The following CMPK2 variants were observed in gnomAD, a reference collection of about 807,000 sequenced individuals.
The protein encoded by CMPK2 is cytidine/uridine monophosphate kinase 2.
In CMPK2, 32 loss-of-function variants were observed where a neutral mutation model predicts 33.4. The ratio of observed to expected loss-of-function variants is 0.96; its 90% CI spans 0.72 to 1.29. The LOEUF (loss-of-function observed/expected upper bound fraction) is 1.29. Among genes scored for constraint, CMPK2 ranks in the 50% most tolerant of loss-of-function variants. The pLI, the probability that CMPK2 is intolerant of heterozygous loss-of-function variation, is 0.00. For missense variants in CMPK2, 672 were observed against 616.0 expected (o/e 1.09, Z -0.96); for synonymous variants, 299 against 275.3 (o/e 1.09, Z -0.85).
rs934656434 is a variant in CMPK2, at chr2:6,849,624, C to A, written c.*226G>T. Reference sequence around the variant, plus strand: ...TTTACTATGCCAGGAAGAAAGCAATCGCTGGCCTCTCACTGGAACATGATG... The same window carrying A: ...TTTACTATGCCAGGAAGAAAGCAATAGCTGGCCTCTCACTGGAACATGATG... On this transcript the variant is annotated 3_prime_UTR_variant, in exon 5 of 5. Coordinates refer to ENST00000256722, the MANE Select transcript of CMPK2 (RefSeq NM_207315.4). 1.5e-6 allele frequency: 2 copies of A among 1,334,022 alleles called. No individual in the cohort carries two copies. Among genetic ancestry groups the A allele is most frequent in the East Asian group, 3.2e-5 (1 of 30,984 alleles). 82.6% of individuals were successfully genotyped at this position (1,334,022 alleles called of 1,614,324 possible).
intron 3 of CMPK2, among the ~76,000 whole-genome samples, chr2:6,853,229 C>T (rs1662578596): frequency 1.3e-5 from 2 of 152,204 alleles, no homozygotes; most frequent in South Asian, 2.1e-4. Flanking sequence ...GAATTACAGG[C>T]GTGAGGTACC....
chr2:6,865,288 G>A lies in CMPK2; in HGVS notation c.409C>T (p.Leu137=), dbSNP rs1328756987. Residue 137 remains leucine, a synonymous_variant, in exon 1 of 5, where the codon CTG becomes TTG. Coordinates refer to ENST00000256722, the MANE Select transcript of CMPK2 (RefSeq NM_207315.4). ...AQQGFLLRDP[L]DDPDTRQALL... ...GCTTGCCGGGTGTCAGGGTCATCCA[G>A]GGGGTCGCGCAGCAGGAAGCCTTGC... is the stretch of plus-strand genomic sequence containing the variant. 8 of 1,530,570 alleles carry A rather than the reference G, an allele frequency of 5.2e-6. No homozygotes were observed. In the South Asian group the frequency reaches 8.3e-5, roughly 16 times the overall value. The allele number at this position is 1,530,570 out of a possible 1,614,324, so 94.8% of individuals were successfully genotyped here. A position where few individuals can be genotyped will look rare whatever the true frequency, so the allele number is the denominator to read the frequency against.
At chr2:6,847,091 T>C (rs1236422947), downstream of CMPK2, among the ~76,000 whole-genome samples, 6 of 152,012 alleles carry the variant, frequency 3.9e-5, no homozygotes, top group African/African-American at 1.5e-4. Context: ...ATGAGGCCAG[T>C]TGTGGGGGTT....
intron 3 of CMPK2, among the ~76,000 whole-genome samples, chr2:6,841,456 T>C (rs1051497328): frequency 1.3e-5 from 2 of 152,192 alleles, no homozygotes; most frequent in African/African-American, 4.8e-5. Context: ...TTGGTAGATA[T>C]TTACCTGAGA....
Position 6,865,618 on chromosome 2 carries a change from T to G in CMPK2, c.79A>C (p.Met27Leu), listed in dbSNP as rs1414101029. The G allele has an allele frequency of 2.2e-6, 3 of 1,393,768 alleles. No homozygotes were observed. Among genetic ancestry groups the G allele is most frequent in the African/African-American group, 1.5e-5 (1 of 66,372 alleles). The allele number at this position is 1,393,768 out of a possible 1,614,324, so 86.3% of individuals were successfully genotyped here. A position where few individuals can be genotyped will look rare whatever the true frequency, so the allele number is the denominator to read the frequency against. ...LGRRGVCAGA[M>L]APPRRFVLEL... is the part of the protein sequence containing the mutation. The stretch of plus-strand genomic sequence containing the variant: ...AGGACGAAGCGGCGCGGCGGAGCCA[T>G]GGCCCCAGCGCAGACCCCGCGCCGC... The change falls in exon 1 of 5, where the codon ATG becomes CTG. Residue 27 changes from methionine (M) to leucine (L), a missense_variant. Transcript: ENST00000256722.
At chr2:6,866,004 C>A, upstream of CMPK2, 1 of 617,002 alleles carries the variant, frequency 1.6e-6, no homozygotes, top group Non-Finnish European at 2.4e-6. Context: ...CGCCGGCTCC[C>A]GGGGCTGACA....
chr2:6,866,019 A>C, upstream of CMPK2: 49 of 461,972 alleles, frequency 1.1e-4, no homozygotes, highest in East Asian at 3.3e-4. Context: ...CTGACACCGA[A>C]TGAGGCCCCG....
intron 3 of CMPK2, among the ~76,000 whole-genome samples, chr2:6,852,086 G>A (rs1270570667): frequency 6.6e-6 from 1 of 152,170 alleles, no homozygotes; most frequent in Admixed American, 6.5e-5. Flanking sequence ...TCCTGGAAAG[G>A]CCATGTCAGT....
intron 3 of CMPK2, among the ~76,000 whole-genome samples, chr2:6,852,883 A>T (rs1662565181): frequency 6.6e-6 from 1 of 152,232 alleles, no homozygotes; most frequent in African/African-American, 2.4e-5. Context: ...TATTTATGAT[A>T]TAAACATTCC....
At chr2:6,844,307 T>C (rs1228265947), downstream of CMPK2, among the ~76,000 whole-genome samples, 3 of 152,212 alleles carry the variant, frequency 2.0e-5, no homozygotes, top group African/African-American at 7.2e-5. Flanking sequence ...TAGAGTACTA[T>C]CTGGACCTAT....
rs746817328 is a variant in CMPK2 at position 6,865,050 on chromosome 2, C to T, written c.647G>A (p.Arg216Gln). 4 of 1,433,978 alleles carry T rather than the reference C, an allele frequency of 2.8e-6. No individual in the cohort carries two copies. The African/African-American group carries it at 6.0e-5, about 22-fold the overall frequency. The allele number at this position is 1,433,978 out of a possible 1,614,324, so 88.8% of individuals were successfully genotyped here. A position where few individuals can be genotyped will look rare whatever the true frequency, so the allele number is the denominator to read the frequency against. Residue 216 changes from arginine to glutamine, a missense_variant, in exon 1 of 5, where the codon CGG becomes CAG. Physicochemically the swap from Arg to Gln is conservative, Grantham distance 43. Coordinates refer to ENST00000256722, the MANE Select transcript of CMPK2 (RefSeq NM_207315.4). Reference sequence around the variant, plus strand: ...CTCCAAAACGGCCCGGGCGGCTTCCCGGTCCGGGAAGACCACGGAACTGGG... The same window carrying T: ...CTCCAAAACGGCCCGGGCGGCTTCCTGGTCCGGGAAGACCACGGAACTGGG... ...DLPSSVVFPD[R>Q]EAARAVLEEC...
At position 6,865,392 on chromosome 2, in the gene CMPK2, A is replaced by AGCTGGTGCAGCAGGC. The variant is rs1291932368; in HGVS notation, c.290_304dup (p.Arg97_Gln101dup). The AGCTGGTGCAGCAGGC allele has an allele frequency of 2.3e-5, 32 of 1,366,514 alleles. No homozygotes were observed. The South Asian group carries it at 5.3e-4, about 23-fold the overall frequency. The allele number at this position is 1,366,514 out of a possible 1,614,324, so 84.6% of individuals were successfully genotyped here. A position where few individuals can be genotyped will look rare whatever the true frequency, so the allele number is the denominator to read the frequency against. ...GCACCGCTGGAAGGGGCCGCGGCGC[A>AGCTGGTGCAGCAGGC]GCTGGTGCAGCAGGCGCTGGTGCAG... is the stretch of plus-strand genomic sequence containing the variant. On this transcript the variant is annotated inframe_insertion, in exon 1 of 5. Coordinates refer to ENST00000256722, the MANE Select transcript of CMPK2 (RefSeq NM_207315.4).
At chr2:6,859,374 G>A (rs1662806405) in intron 3 of CMPK2, among the ~76,000 whole-genome samples, 1 of 152,166 alleles carries the variant, frequency 6.6e-6, no homozygotes. Context: ...CCAAGACAAT[G>A]GGGAAAATGT....
chr2:6,841,738 AG>A (rs1331056620), intron 3 of CMPK2, among the ~76,000 whole-genome samples: 2 of 152,128 alleles, frequency 1.3e-5, no homozygotes, highest in African/African-American at 4.8e-5. Context: ...CTGCTGACTT[AG>A]CTGTTTGGTC....
Position 6,848,833 on chromosome 2 carries a change from T to C in CMPK2, c.*1017A>G. ...AAAGATATGTCAAAGCGATTTCATA[T>C]GTAATCATGAGACATTCAAGTGCAA... On this transcript the variant is annotated 3_prime_UTR_variant, in exon 5 of 5. Coordinates refer to ENST00000256722, the MANE Select transcript of CMPK2 (RefSeq NM_207315.4). 2 of 985,864 alleles carry C rather than the reference T, an allele frequency of 2.0e-6. No individual in the cohort carries two copies. The highest frequency in any genetic ancestry group is 2.4e-6 in the Non-Finnish European group (2 of 829,912). 61.1% of individuals were successfully genotyped at this position (985,864 alleles called of 1,614,324 possible). A position where few individuals can be genotyped will look rare whatever the true frequency, so the allele number is the denominator to read the frequency against.
At chr2:6,862,579 G>A (rs1662914444) in intron 2 of CMPK2, among the ~76,000 whole-genome samples, 1 of 152,202 alleles carries the variant, frequency 6.6e-6, no homozygotes, top group African/African-American at 2.4e-5. Flanking sequence ...AGGATTGATG[G>A]TGTTACAATT....
At chr2:6,840,809 G>A (rs1662211431) in intron 3 of CMPK2, 1 of 617,908 alleles carries the variant, frequency 1.6e-6, no homozygotes. Flanking sequence ...GGGCCAGGGA[G>A]GTTACATGTT....
chr2:6,845,262 C>T (rs1480558952), downstream of CMPK2, among the ~76,000 whole-genome samples: 1 of 152,078 alleles, frequency 6.6e-6, no homozygotes, highest in East Asian at 1.9e-4. Context: ...TGTCCTTGTA[C>T]AATAGAATAT....
rs1167190300 is a variant in CMPK2 at position 6,861,333 on chromosome 2, T to C, written c.843A>G (p.Leu281=). 2 of 1,614,202 alleles carry C rather than the reference T, an allele frequency of 1.2e-6. No homozygotes were observed. Among genetic ancestry groups the C allele is most frequent in the Admixed American group, 3.3e-5 (2 of 60,016 alleles). The part of the protein sequence containing the change: ...SVADSLKAVL[L]KSPPSCIGQW... ...GGCCAATGCAAGAGGGTGGTGACTT[T>C]AAGAGGACAGCCTTAAGTGAATCTG... The change falls in exon 3 of 5, where the codon TTA becomes TTG. Residue 281 remains leucine, a synonymous_variant. Coordinates refer to ENST00000256722, the MANE Select transcript of CMPK2 (RefSeq NM_207315.4).
Sources: gnomAD v4.1 joint callset for allele counts (sites outside exome capture counted in the v4.1 genomes callset) on GRCh38, gnomAD v4.1.1 for gene constraint, MANE v1.5 for transcripts, NCBI Gene and HGNC (gene_info 2026-07-23, HGNC 2026-07-21) for gene names.